ANKRD28: variants seen among roughly 807,000 people sequenced by gnomAD.
ANKRD28 encodes the protein serine/threonine-protein phosphatase 6 regulatory ankyrin repeat subunit A.
Under a neutral mutation model 126.5 loss-of-function variants are expected in ANKRD28, and 44 were observed. The ratio of observed to expected loss-of-function variants is 0.35; its 90% CI spans 0.27 to 0.45. The LOEUF is 0.45. Among genes scored for constraint, ANKRD28 ranks in the 20% least tolerant of loss-of-function variants. The probability of loss-of-function intolerance (pLI) is 1.00; values close to 1 mark genes in which losing one functional copy is unlikely to be tolerated. For synonymous variants in ANKRD28, 442 were observed against 468.5 expected, an observed-to-expected ratio of 0.94 and a Z score of 0.73; for missense variants, 1,110 against 1,316.6, an observed-to-expected ratio of 0.84 and a Z score of 2.43.
intron 14 of ANKRD28, among the ~76,000 whole-genome samples, chr3:15,707,104 C>G (rs1247647231): frequency 6.6e-6 from 1 of 152,148 alleles, no homozygotes; most frequent in East Asian, 1.9e-4. Context: ...ATAAATAATT[C>G]TGTTATATGA....
chr3:15,806,110 G>C (rs1383882145), intron 1 of ANKRD28, among the ~76,000 whole-genome samples: 1 of 152,116 alleles, frequency 6.6e-6, no homozygotes, highest in Admixed American at 6.5e-5. Flanking sequence ...TTCTATTGTT[G>C]AAAGAAGGAA....
upstream of ANKRD28, among the ~76,000 whole-genome samples, chr3:15,799,967 C>G (rs2125848852): frequency 6.6e-6 from 1 of 151,998 alleles, no homozygotes; most frequent in East Asian, 1.9e-4. Flanking sequence ...ATATTTTAAC[C>G]AGAAAATATA....
In ANKRD28 at chr3:15,812,587, T is replaced by C. The variant is rs978950893; in HGVS notation, c.28-17281A>G. On this transcript the variant is annotated intron_variant, in intron 1 of 27. Transcript: ENST00000399451. The surrounding 1 kb of genome is among the most constrained non-coding windows in gnomAD (Gnocchi z 4.1). ...TTTACTATATTAAGTTGGCATTTCG[T>C]TGTTGTTTTTCTGTCTTGCTTACCA... Among the ~76,000 whole-genome samples the C allele has an allele frequency of 6.6e-6, 1 of 152,330 alleles. No homozygotes were observed.
At chr3:15,821,037 G>A (rs1483155767) in intron 1 of ANKRD28, among the ~76,000 whole-genome samples, 1 of 152,020 alleles carries the variant, frequency 6.6e-6, no homozygotes, top group Non-Finnish European at 1.5e-5. Flanking sequence ...CTTTGTCATG[G>A]GGTCCACTCC....
chr3:15,836,228 G>A (rs1263291838), intron 1 of ANKRD28, among the ~76,000 whole-genome samples: 1 of 151,848 alleles, frequency 6.6e-6, no homozygotes, highest in African/African-American at 2.4e-5. Flanking sequence ...CATTACTGTT[G>A]GGTTTATTAC....
chr3:15,736,746 ATC>A (rs1462110479), intron 5 of ANKRD28, among the ~76,000 whole-genome samples: 3 of 152,222 alleles, frequency 2.0e-5, no homozygotes, highest in Non-Finnish European at 4.4e-5. Context: ...ACAATAACAT[ATC>A]TCTGTCTTCA....
intron 19 of ANKRD28, 42 bp from the exon 20 acceptor site, chr3:15,686,161 C>T (rs1199172874): frequency 1.9e-6 from 3 of 1,601,068 alleles, no homozygotes; most frequent in Admixed American, 1.7e-5. Context: ...TCACTTAAGA[C>T]TGTACTCTGG....
intron 16 of ANKRD28, among the ~76,000 whole-genome samples, 181 bp downstream of exon 16, chr3:15,695,007 T>C (rs1481610538): frequency 1.3e-5 from 2 of 152,122 alleles, no homozygotes; most frequent in Non-Finnish European, 2.9e-5. Context: ...TTGGGGGAAA[T>C]GCTACTTAAT....
intron 7 of ANKRD28, among the ~76,000 whole-genome samples, chr3:15,723,535 G>A (rs1030001119): frequency 6.6e-6 from 1 of 152,192 alleles, no homozygotes; most frequent in Admixed American, 6.5e-5. Context: ...GCTCATGCCT[G>A]TAATTCCAGC....
chr3:15,672,231 A>G (rs951150717), intron 27 of ANKRD28, among the ~76,000 whole-genome samples: 4 of 151,292 alleles, frequency 2.6e-5, no homozygotes, highest in Admixed American at 2.6e-4. Context: ...TGCACCCTCA[A>G]CCTCTGGGCT....
intron 4 of ANKRD28, among the ~76,000 whole-genome samples, chr3:15,739,398 C>T (rs1335799551): frequency 6.6e-6 from 1 of 152,164 alleles, no homozygotes; most frequent in East Asian, 1.9e-4. Context: ...ATGGCTTCAG[C>T]CAGTCCCTCC....
At chr3:15,788,049 G>C (rs1287131058) in intron 2 of ANKRD28, among the ~76,000 whole-genome samples, 2 of 152,034 alleles carry the variant, frequency 1.3e-5, no homozygotes, top group East Asian at 1.9e-4. Context: ...GTTTAAAAAG[G>C]GTTGCTCATA....
At chr3:15,820,088 G>A (rs946046398) in intron 1 of ANKRD28, among the ~76,000 whole-genome samples, 1 of 152,146 alleles carries the variant, frequency 6.6e-6, no homozygotes, top group East Asian at 1.9e-4. Flanking sequence ...AAAACATTAG[G>A]TAAAGGGTTG....
intron 2 of ANKRD28, among the ~76,000 whole-genome samples, chr3:15,773,935 G>C (rs2059138522): frequency 6.6e-6 from 1 of 152,172 alleles, no homozygotes; most frequent in South Asian, 2.1e-4. Flanking sequence ...CTATAAAAGT[G>C]AAGTAATCAA....
At chr3:15,679,450 A>T (rs757802481) in intron 22 of ANKRD28, 26 bp downstream of exon 22, 76 of 1,613,448 alleles carry the variant, frequency 4.7e-5, no homozygotes, top group Non-Finnish European at 6.1e-5. Context: ...CTCAAACCAA[A>T]TCTGATTCAT....
At chr3:15,713,767 T>C in intron 9 of ANKRD28, 126 bp from the exon 10 acceptor site, 1 of 513,072 alleles carries the variant, frequency 1.9e-6, no homozygotes, top group Admixed American at 3.8e-5. Flanking sequence ...TAACTAGATT[T>C]CATTCATAGC....
chr3:15,828,899 G>C (rs2061129152), intron 1 of ANKRD28, among the ~76,000 whole-genome samples: 1 of 152,194 alleles, frequency 6.6e-6, no homozygotes. Flanking sequence ...AACATCTGCA[G>C]AAAGTACATT....
In ANKRD28 at chr3:15,839,357, C is replaced by T. The variant is rs1196300301; in HGVS notation, c.27+20020G>A. Among the ~76,000 whole-genome samples the T allele has an allele frequency of 6.6e-6, 1 of 151,984 alleles. No homozygotes were observed. Among genetic ancestry groups the T allele is most frequent in the Non-Finnish European group, 1.5e-5 (1 of 67,986 alleles). ...GCTGATCAGCTGTTCAGGACCTTAG[C>T]TGTAGAAGACATAACAAAAAACAAC... On this transcript the variant is annotated intron_variant, in intron 1 of 27. Coordinates refer to the ANKRD28 transcript ENST00000399451. This position sits in a 1 kb window ranked among gnomAD's most constrained non-coding sequence, Gnocchi z 4.3.
At chr3:15,795,042 C>A (rs1267382039) in intron 2 of ANKRD28, among the ~76,000 whole-genome samples, 181 bp downstream of exon 2, 5 of 152,126 alleles carry the variant, frequency 3.3e-5, no homozygotes, top group African/African-American at 1.2e-4. Flanking sequence ...AAGACCCCTA[C>A]TGGCTGCTAC....
Sources: allele counts gnomAD v4.1 joint callset (sites outside exome capture counted in the v4.1 genomes callset), GRCh38; gene constraint gnomAD v4.1.1; non-coding constraint Gnocchi (gnomAD v3.1); transcripts MANE v1.5; gene names NCBI Gene and HGNC (gene_info 2026-07-23, HGNC 2026-07-21).